Variants in NPLOC4 observed in about 807,000 individuals in gnomAD.
NPLOC4 encodes NPL4 homolog, ubiquitin recognition factor.
NPLOC4 carries 18 observed loss-of-function variants against 80.6 expected under a neutral mutation model. The observed-to-expected ratio is 0.22, with a 90% CI of 0.15 to 0.33. The LOEUF (loss-of-function observed/expected upper bound fraction) is 0.33. Among genes scored for constraint, NPLOC4 ranks in the 10% least tolerant of loss-of-function variants. NPLOC4 has a pLI of 1.00. For synonymous variants in NPLOC4, 313 were observed against 301.5 expected, an observed-to-expected ratio of 1.04 and a Z score of -0.39; for missense variants, 540 against 786.1, an observed-to-expected ratio of 0.69 and a Z score of 3.74.
chr17:81,593,246 G>A (rs1309884228), intron 11 of NPLOC4, among the ~76,000 whole-genome samples: 1 of 151,918 alleles, frequency 6.6e-6, no homozygotes, highest in Non-Finnish European at 1.5e-5. Flanking sequence ...TGAGGCAAGG[G>A]CACACTCTTC....
chr17:81,602,982 C>T (rs975848299), intron 8 of NPLOC4, among the ~76,000 whole-genome samples: 3 of 43,554 alleles, frequency 6.9e-5, no homozygotes, highest in African/African-American at 3.2e-4. Context: ...TACACAAATA[C>T]ACACACACAC....
intron 11 of NPLOC4, among the ~76,000 whole-genome samples, chr17:81,594,789 AT>A (rs1209788514): frequency 6.6e-6 from 1 of 151,752 alleles, no homozygotes; most frequent in Non-Finnish European, 1.5e-5. Context: ...AAAAAAAAAA[AT>A]TAAAAATTAA....
chr17:81,605,227 G>A (rs11650127), intron 7 of NPLOC4, among the ~76,000 whole-genome samples: 38,863 of 149,960 alleles, frequency 0.26, 6,165 homozygotes, highest in Non-Finnish European at 0.36. Context: ...CTCGCAGTGA[G>A]CTGAGATGGC....
At chr17:81,623,615 G>A (rs1249518481) in intron 2 of NPLOC4, among the ~76,000 whole-genome samples, 3 of 151,536 alleles carry the variant, frequency 2.0e-5, no homozygotes, top group African/African-American at 7.3e-5. Context: ...TGGCTAACAC[G>A]GTGAAACCCC....
intron 11 of NPLOC4, 32 bp from the exon 12 acceptor site, chr17:81,589,136 C>T (rs201247928): frequency 1.3e-6 from 2 of 1,593,592 alleles, no homozygotes; most frequent in Non-Finnish European, 1.7e-6. Context: ...AAAGAGTCTA[C>T]CAAACGGCAT....
chr17:81,630,500 C>A (rs2035900595), intron 1 of NPLOC4, among the ~76,000 whole-genome samples: 1 of 151,990 alleles, frequency 6.6e-6, no homozygotes, highest in East Asian at 1.9e-4. Context: ...AGGCTGATCT[C>A]GAGCTCCGGG....
At position 81,605,845 on chromosome 17, in the gene NPLOC4, G is replaced by A. The variant is rs567837550; in HGVS notation, c.654+846C>T. 1.8e-3 allele frequency among the ~76,000 whole-genome samples: 261 copies of A among 147,278 alleles called. 2 individuals are homozygous for A. The highest frequency in any genetic ancestry group is 6.3e-3 in the African/African-American group (251 of 39,984). On this transcript the variant is annotated intron_variant, in intron 7 of 16. Coordinates refer to ENST00000331134, the MANE Select transcript of NPLOC4 (RefSeq NM_017921.4). ...TTTTCTTTTTTTTTTTTTTTGAGAC[G>A]GAGTCTCGCTCTGTCACCCAGGCTG...
intron 13 of NPLOC4, among the ~76,000 whole-genome samples, chr17:81,571,582 T>C (rs953273455): frequency 6.6e-6 from 1 of 152,144 alleles, no homozygotes; most frequent in East Asian, 1.9e-4. Context: ...GTGCTGGGGC[T>C]AGGGCAAGCA....
At chr17:81,624,696 G>A (rs1034627865) in intron 2 of NPLOC4, among the ~76,000 whole-genome samples, 2 of 152,298 alleles carry the variant, frequency 1.3e-5, no homozygotes, top group African/African-American at 4.8e-5. Flanking sequence ...TAAGCACTAC[G>A]ACAGAAAAGG....
At chr17:81,607,431 G>A (rs1005983959) in intron 6 of NPLOC4, among the ~76,000 whole-genome samples, 1 of 150,500 alleles carries the variant, frequency 6.6e-6, no homozygotes, top group African/African-American at 2.4e-5. Flanking sequence ...CTTTAAGGTA[G>A]ACGTGAGGTT....
chr17:81,559,207 C>T lies in NPLOC4; in HGVS notation c.*52G>A. ...GGAACACACTCAGCAACGCTTCTGG[C>T]TTCAGGAAGGGCTGGGCTGGGCCCG... On this transcript the variant is annotated 3_prime_UTR_variant, in exon 17 of 17. Coordinates refer to ENST00000331134, the MANE Select transcript of NPLOC4 (RefSeq NM_017921.4). The T allele has an allele frequency of 6.5e-7, 1 of 1,534,710 alleles. No homozygotes were observed. Among genetic ancestry groups the T allele is most frequent in the Non-Finnish European group, 8.8e-7 (1 of 1,139,214 alleles).
Position 81,571,537 on chromosome 17 carries a change from G to A in NPLOC4, c.1353+480C>T, listed in dbSNP as rs546086643. On this transcript the variant is annotated intron_variant, in intron 13 of 16. Transcript: ENST00000331134. Reference sequence around the variant, plus strand: ...GTGTCCCCTGGGGACCACCCTGGACGGAGTGACCCAGACACACTGTGGGCT... The same window carrying A: ...GTGTCCCCTGGGGACCACCCTGGACAGAGTGACCCAGACACACTGTGGGCT... Among the ~76,000 whole-genome samples the A allele has an allele frequency of 1.4e-4, 21 of 152,322 alleles. No individual in the cohort carries two copies. The East Asian group carries it at 3.9e-3, about 28-fold the overall frequency.
At position 81,636,932 on chromosome 17, in the gene NPLOC4, G is replaced by C; in HGVS notation, c.-2C>G. 1.5e-6 allele frequency: 2 copies of C among 1,378,302 alleles called. 1 individual carries two copies. Among genetic ancestry groups the C allele is most frequent in the South Asian group, 3.3e-5 (2 of 60,464 alleles). 85.4% of individuals were successfully genotyped at this position (1,378,302 alleles called of 1,614,324 possible). A position where few individuals can be genotyped will look rare whatever the true frequency, so the allele number is the denominator to read the frequency against. On this transcript the variant is annotated 5_prime_UTR_variant, in exon 1 of 17. Transcript: ENST00000331134. ...CGCACTCACGATGCTCTCGGCCATG[G>C]CGGCTGCTCCTGCCTCCGGGCTCGA...
chr17:81,577,805 T>A lies in NPLOC4; in HGVS notation c.1282-5717A>T, dbSNP rs1239659313. ...GAGCCTGTGCTCCTCTCTGCACACC[T>A]GCCAGGCCTCCAAACCTCTCAGTCC... On this transcript the variant is annotated intron_variant, in intron 12 of 16. Transcript: ENST00000331134. The surrounding 1 kb of genome is among the most constrained non-coding windows in gnomAD (Gnocchi z 4.3). Among the ~76,000 whole-genome samples, 1 of 152,124 alleles carries A rather than the reference T, an allele frequency of 6.6e-6. No individual in the cohort carries two copies. The highest frequency in any genetic ancestry group is 1.5e-5 in the Non-Finnish European group (1 of 68,010).
intron 3 of NPLOC4, 118 bp from the exon 4 acceptor site, chr17:81,613,612 G>A (rs61177234): frequency 9.8e-5 from 83 of 847,786 alleles, no homozygotes; most frequent in African/African-American, 1.7e-5. Flanking sequence ...TAAACAATGA[G>A]GTTTCTAACT....
chr17:81,568,482 G>GC (rs1486455274), intron 14 of NPLOC4, among the ~76,000 whole-genome samples: 4 of 152,206 alleles, frequency 2.6e-5, no homozygotes, highest in Non-Finnish European at 5.9e-5. Context: ...ATGTCTGTTA[G>GC]CAAGTTATGA....
chr17:81,604,460 A>G, intron 8 of NPLOC4, 88 bp downstream of exon 8: 1 of 1,234,236 alleles, frequency 8.1e-7, no homozygotes, highest in Non-Finnish European at 1.1e-6. Flanking sequence ...ACAAACAACA[A>G]AGCGAACAGG....
chr17:81,593,672 G>T (rs1335068155), intron 11 of NPLOC4, among the ~76,000 whole-genome samples: 2 of 151,820 alleles, frequency 1.3e-5, no homozygotes, highest in Non-Finnish European at 2.9e-5. Flanking sequence ...ACATGTGGCA[G>T]GGGTGTGGGG....
intron 12 of NPLOC4, among the ~76,000 whole-genome samples, chr17:81,584,758 T>C (rs1338134005): frequency 1.3e-5 from 2 of 152,184 alleles, no homozygotes; most frequent in Non-Finnish European, 2.9e-5. Flanking sequence ...AATTTTAAGA[T>C]AGTGCTATTT....
Sources: allele counts gnomAD v4.1 joint callset (sites outside exome capture counted in the v4.1 genomes callset), GRCh38; gene constraint gnomAD v4.1.1; non-coding constraint Gnocchi (gnomAD v3.1); transcripts MANE v1.5; gene names NCBI Gene and HGNC (gene_info 2026-07-23, HGNC 2026-07-21).